The following DZIP1 variants were observed in gnomAD, a reference collection of about 807,000 sequenced individuals.
DZIP1 encodes cilium assembly protein DZIP1.
In DZIP1, 97 loss-of-function variants were observed where a neutral mutation model predicts 107.6. That is an observed-to-expected ratio of 0.90 (90% CI 0.77 to 1.07). The LOEUF is 1.07. Among genes scored for constraint, DZIP1 ranks in the 50% least tolerant of loss-of-function variants. The probability of loss-of-function intolerance (pLI) is 0.00; values close to 1 mark genes in which losing one functional copy is unlikely to be tolerated. For synonymous variants in DZIP1, 390 were observed against 386.4 expected (o/e 1.01, Z -0.11); for missense variants, 1,035 against 1,063.6 (o/e 0.97, Z 0.37).
Position 95,641,491 on chromosome 13 carries a change from G to C in DZIP1, c.401C>G (p.Ser134Ter). The C allele has an allele frequency of 6.2e-7, 1 of 1,614,092 alleles. No individual in the cohort carries two copies. The highest frequency in any genetic ancestry group is 8.5e-7 in the Non-Finnish European group (1 of 1,180,016). Residue 134 changes from serine (S) to a stop codon, truncating the protein, a stop_gained, in exon 5 of 23, where the codon TCA becomes TGA. Transcript: ENST00000376829. LOFTEE classifies it high-confidence loss of function. This position sits in a 1 kb window ranked among gnomAD's most constrained non-coding sequence, Gnocchi z 4.3. ...CAGCTGCGAGGTGAGGAACTCTTGT[G>C]AGTGCAGCAAGTACTCGATGGTGAA... The part of the protein sequence containing the change: ...AQFTIEYLLH[S>*]QEFLTSQLHT...
Position 95,618,253 on chromosome 13 carries a change from G to T in DZIP1, c.1173+1632C>A, listed in dbSNP as rs1036613980. Among the ~76,000 whole-genome samples, 4 of 152,284 alleles carry T rather than the reference G, an allele frequency of 2.6e-5. No homozygotes were observed. In the East Asian group the frequency reaches 7.7e-4, roughly 29 times the overall value. On this transcript the variant is annotated intron_variant, in intron 10 of 22. Coordinates refer to ENST00000376829, the MANE Select transcript of DZIP1 (RefSeq NM_198968.4). ...TGTAAGCGGTCTGAGGGCAGGCATTGTTCCACATCTCTTTTTAGCCTTATA... is the reference window on the plus strand; with the variant it reads ...TGTAAGCGGTCTGAGGGCAGGCATTTTTCCACATCTCTTTTTAGCCTTATA...
At chr13:95,599,913 G>A (rs954191791) in intron 14 of DZIP1, among the ~76,000 whole-genome samples, 1 of 152,174 alleles carries the variant, frequency 6.6e-6, no homozygotes, top group Non-Finnish European at 1.5e-5. Flanking sequence ...AACGACAGGC[G>A]AGAGGTCAGC....
At chr13:95,611,006 A>T (rs1461190603) in intron 12 of DZIP1, among the ~76,000 whole-genome samples, 2 of 152,230 alleles carry the variant, frequency 1.3e-5, no homozygotes, top group Admixed American at 6.5e-5. Flanking sequence ...AGCAGAGAAA[A>T]TAGACTGAAA....
intron 16 of DZIP1, among the ~76,000 whole-genome samples, chr13:95,590,852 C>A (rs751255460): frequency 5.3e-5 from 8 of 152,030 alleles, no homozygotes; most frequent in Non-Finnish European, 1.2e-4. Flanking sequence ...GATAGGGACA[C>A]CTGTGAGAAA....
intron 19 of DZIP1, among the ~76,000 whole-genome samples, chr13:95,588,324 G>T (rs750665496): frequency 6.6e-6 from 1 of 152,142 alleles, no homozygotes; most frequent in Admixed American, 6.5e-5. Context: ...ATGAGATTAC[G>T]TATAAGAAAA....
At chr13:95,583,921 G>A (rs957519947) in intron 22 of DZIP1, among the ~76,000 whole-genome samples, 3 of 151,918 alleles carry the variant, frequency 2.0e-5, no homozygotes, top group Non-Finnish European at 1.5e-5. Context: ...CCAGGAGTTT[G>A]AATCCAGCCT....
chr13:95,611,223 A>C (rs1420113469), intron 12 of DZIP1, among the ~76,000 whole-genome samples: 1 of 152,246 alleles, frequency 6.6e-6, no homozygotes, highest in African/African-American at 2.4e-5. Flanking sequence ...TAAAAAAATG[A>C]AACAACTACA....
intron 16 of DZIP1, among the ~76,000 whole-genome samples, chr13:95,590,899 C>T (rs1353527418): frequency 6.6e-6 from 1 of 152,158 alleles, no homozygotes; most frequent in Non-Finnish European, 1.5e-5. Context: ...AGGCACGTCC[C>T]ACAGGCTAAT....
intron 5 of DZIP1, among the ~76,000 whole-genome samples, chr13:95,635,834 GC>G (rs1485713311): frequency 6.6e-6 from 1 of 152,130 alleles, no homozygotes. Flanking sequence ...CAGCAGGGCT[GC>G]CCATGTAAGT....
rs966497295 is a variant in DZIP1, at chr13:95,589,283, G to C, written c.1974-76C>G. The C allele has an allele frequency of 3.2e-6, 4 of 1,238,842 alleles. No individual in the cohort carries two copies. In the African/African-American group the frequency reaches 6.2e-5, roughly 19 times the overall value. 76.7% of individuals were successfully genotyped at this position (1,238,842 alleles called of 1,614,324 possible). On this transcript the variant is annotated intron_variant, in intron 18 of 22. Transcript: ENST00000376829. ...ATTTCACATACATTTCTATGGAACT[G>C]GTGATTTTTGCTTTTGACATACACT...
intron 14 of DZIP1, among the ~76,000 whole-genome samples, chr13:95,605,300 C>T (rs1208150623): frequency 6.6e-6 from 1 of 152,126 alleles, no homozygotes; most frequent in Non-Finnish European, 1.5e-5. Flanking sequence ...AAAAGATGGC[C>T]CTTCTCCCGT....
chr13:95,614,611 A>T (rs1055387371), intron 10 of DZIP1, among the ~76,000 whole-genome samples: 53 of 152,346 alleles, frequency 3.5e-4, no homozygotes, highest in Non-Finnish European at 7.3e-5. Context: ...CTAGGCAAAC[A>T]TAGCCAGAAA....
intron 5 of DZIP1, among the ~76,000 whole-genome samples, chr13:95,633,841 C>T (rs993183383): frequency 2.4e-4 from 36 of 151,720 alleles, no homozygotes; most frequent in African/African-American, 7.5e-4. Flanking sequence ...AATCCCAGCA[C>T]GAGGCCGAAG....
intron 10 of DZIP1, among the ~76,000 whole-genome samples, chr13:95,617,590 G>A (rs1875276812): frequency 6.6e-6 from 1 of 150,396 alleles, no homozygotes; most frequent in South Asian, 2.1e-4. Context: ...CGAAGGGCTT[G>A]CCAACAATGA....
At chr13:95,628,606 A>G (rs1395973662) in intron 7 of DZIP1, among the ~76,000 whole-genome samples, 3 of 152,234 alleles carry the variant, frequency 2.0e-5, no homozygotes, top group African/African-American at 7.2e-5. Flanking sequence ...ATCAGTCATA[A>G]TAGTTAAGAA....
At chr13:95,630,853 C>A in intron 6 of DZIP1, 1 of 719,976 alleles carries the variant, frequency 1.4e-6, no homozygotes, top group Non-Finnish European at 2.1e-6. Flanking sequence ...GAAACCCTCT[C>A]TGAAACGAGT....
chr13:95,599,829 G>T (rs1222324768), intron 14 of DZIP1, among the ~76,000 whole-genome samples: 1 of 152,148 alleles, frequency 6.6e-6, no homozygotes. Flanking sequence ...AATTCCCAAG[G>T]TCCTGGGATT....
At chr13:95,583,987 A>AT (rs781629820) in intron 22 of DZIP1, among the ~76,000 whole-genome samples, 2 of 151,508 alleles carry the variant, frequency 1.3e-5, no homozygotes, top group South Asian at 2.1e-4. Flanking sequence ...ATAATAATAA[A>AT]TTTTTTTTGA....
intron 6 of DZIP1, among the ~76,000 whole-genome samples, chr13:95,631,938 T>C (rs1877244479): frequency 6.6e-6 from 1 of 152,194 alleles, no homozygotes; most frequent in African/African-American, 2.4e-5. Flanking sequence ...CAGCCGTCCA[T>C]TGTCAGTCTT....
Sources: gnomAD v4.1 joint callset for allele counts (sites outside exome capture counted in the v4.1 genomes callset) on GRCh38, gnomAD v4.1.1 for gene constraint, Gnocchi (gnomAD v3.1) non-coding constraint, MANE v1.5 for transcripts, NCBI Gene and HGNC (gene_info 2026-07-23, HGNC 2026-07-21) for gene names.